The following ACADM variants were observed in gnomAD, a reference collection of about 807,000 sequenced individuals.
ACADM encodes medium-chain specific acyl-CoA dehydrogenase, mitochondrial.
A neutral mutation model predicts 58.9 loss-of-function variants in ACADM; 49 were observed. The ratio of observed to expected loss-of-function variants is 0.83; its 90% confidence interval spans 0.66 to 1.06. ACADM has a LOEUF of 1.06. Among genes scored for constraint, ACADM ranks in the 50% least tolerant of loss-of-function variants. The pLI is 0.00. For synonymous variants in ACADM, 160 were observed against 157.7 expected (o/e 1.01, Z -0.11); for missense variants, 496 against 507.0 (o/e 0.98, Z 0.21).
chr1:75,752,915 T>C (rs1648283898), intron 10 of ACADM, among the ~76,000 whole-genome samples: 1 of 152,280 alleles, frequency 6.6e-6, no homozygotes, highest in East Asian at 1.9e-4. Context: ...TTTTGGCACT[T>C]TTGTTAGGTA....
chr1:75,745,920 G>T lies in ACADM; in HGVS notation c.708+6G>T, dbSNP rs958629659. ...GAATTCAGATTGGGAGAAAGGTAAA[G>T]TATTTATTAATGATTAGGGCCCCAA... On this transcript the variant is annotated splice_donor_region_variant and intron_variant, in intron 8 of 11. Coordinates refer to ENST00000370841, the MANE Select transcript of ACADM (RefSeq NM_000016.6). The T allele has an allele frequency of 5.7e-6, 9 of 1,589,750 alleles. No homozygotes were observed. Among genetic ancestry groups the T allele is most frequent in the Non-Finnish European group, 6.9e-6 (8 of 1,158,134 alleles).
chr1:75,740,409 A>T (rs1647504536), intron 7 of ACADM, among the ~76,000 whole-genome samples: 1 of 152,134 alleles, frequency 6.6e-6, no homozygotes, highest in Non-Finnish European at 1.5e-5. Flanking sequence ...TCCACTCCTC[A>T]TCTCCTATAC....
intron 6 of ACADM, among the ~76,000 whole-genome samples, chr1:75,736,471 A>C (rs1054478159): frequency 2.6e-4 from 39 of 152,140 alleles, no homozygotes; most frequent in Non-Finnish European, 1.0e-4. Flanking sequence ...AACAATTGAG[A>C]GGTTAGCTAA....
chr1:75,736,901 A>G (rs1647284764), intron 6 of ACADM, among the ~76,000 whole-genome samples: 1 of 152,072 alleles, frequency 6.6e-6, no homozygotes, highest in Non-Finnish European at 1.5e-5. Context: ...GTTAGCCCCC[A>G]TTATATACAT....
In ACADM at chr1:75,751,360, A is replaced by T. The variant is rs557920195; in HGVS notation, c.945+814A>T. Among the ~76,000 whole-genome samples, 7 of 151,706 alleles carry T rather than the reference A, an allele frequency of 4.6e-5. No individual in the cohort carries two copies. The South Asian group carries it at 1.0e-3, about 23-fold the overall frequency. On this transcript the variant is annotated intron_variant, in intron 10 of 11. Coordinates refer to ENST00000370841, the MANE Select transcript of ACADM (RefSeq NM_000016.6). Reference sequence around the variant, plus strand: ...GTCTCAAAAAAGAAAATATATATATATTTTCTGATTCTCTCAGTAACCCTT... The same window carrying T: ...GTCTCAAAAAAGAAAATATATATATTTTTTCTGATTCTCTCAGTAACCCTT...
rs778535261 is a variant in ACADM, at chr1:75,740,093, C to T, written c.582C>T (p.Asn194=). 9.7e-5 allele frequency: 157 copies of T among 1,611,516 alleles called. 2 individuals carry two copies. Among genetic ancestry groups the T allele is most frequent in the South Asian group, 8.9e-4 (81 of 91,006 alleles). Residue 194 remains asparagine, a synonymous_variant, in exon 7 of 12, where the codon AAC becomes AAT. Transcript: ENST00000370841. ...ATGGTCAGAAGATGTGGATAACCAA[C>T]GGAGGAAAAGCTAATTGGTATGTTG... ...IINGQKMWIT[N]GGKANWYFLL... is the part of the protein sequence containing the mutation.
intron 5 of ACADM, 77 bp downstream of exon 5, chr1:75,733,705 T>TAAAA: frequency 7.9e-7 from 1 of 1,258,082 alleles, no homozygotes; most frequent in Admixed American, 1.8e-5. Context: ...GTTGGATTTT[T>TAAAA]AGAAGAAAAA....
At chr1:75,743,774 C>T (rs1647721865) in intron 7 of ACADM, 1 of 1,550,924 alleles carries the variant, frequency 6.4e-7, no homozygotes. Context: ...ATAGCTTCCA[C>T]ATTCCTGATG....
In ACADM at chr1:75,735,703, A is replaced by T. The variant is rs181622355; in HGVS notation, c.468+832A>T. Among the ~76,000 whole-genome samples, 985 of 152,154 alleles carry T rather than the reference A, an allele frequency of 6.5e-3. 14 individuals carry two copies. Among genetic ancestry groups the T allele is most frequent in the Admixed American group, 0.035 (528 of 15,276 alleles). ...CCCCATCTCTACTAAAAATACAAAA[A>T]TTAGCTGGATGTGGTGGCGCTTGCC... On this transcript the variant is annotated intron_variant, in intron 6 of 11. Coordinates refer to ENST00000370841, the MANE Select transcript of ACADM (RefSeq NM_000016.6).
intron 10 of ACADM, among the ~76,000 whole-genome samples, chr1:75,753,347 T>C (rs12070736): frequency 0.034 from 5,174 of 152,212 alleles, 290 homozygotes; most frequent in African/African-American, 0.12. Flanking sequence ...TTTTCCTCCA[T>C]GTTATCTCTT....
intron 8 of ACADM, 44 bp from the exon 9 acceptor site, chr1:75,749,375 T>C (rs1383137352): frequency 2.9e-5 from 47 of 1,607,160 alleles, no homozygotes; most frequent in Non-Finnish European, 3.9e-5. Flanking sequence ...AAATTGATGC[T>C]GGCTCAAAAA....
chr1:75,744,360 C>T (rs181480495), intron 7 of ACADM: 21 of 1,585,586 alleles, frequency 1.3e-5, no homozygotes, highest in East Asian at 4.5e-5. Flanking sequence ...GTGTGAAAAG[C>T]GGAGTGCCTC....
At chr1:75,735,463 G>A (rs376979957) in intron 6 of ACADM, among the ~76,000 whole-genome samples, 1 of 152,134 alleles carries the variant, frequency 6.6e-6, no homozygotes, top group Non-Finnish European at 1.5e-5. Context: ...ATTTAGTGGA[G>A]CATTCTACAC....
intron 2 of ACADM, among the ~76,000 whole-genome samples, chr1:75,731,443 C>T (rs1040901804): frequency 2.0e-5 from 3 of 151,976 alleles, no homozygotes; most frequent in Non-Finnish European, 4.4e-5. Flanking sequence ...GCTTGAAATA[C>T]CCTATTATCT....
At chr1:75,731,544 TC>T (rs1330704193) in intron 2 of ACADM, among the ~76,000 whole-genome samples, 1 of 152,272 alleles carries the variant, frequency 6.6e-6, no homozygotes, top group East Asian at 1.9e-4. Context: ...AGCAATTGAC[TC>T]CTCTCCTCAA....
At chr1:75,748,896 C>CAA (rs33982081) in intron 8 of ACADM, among the ~76,000 whole-genome samples, 56,754 of 151,900 alleles carry the variant, frequency 0.37, 11,611 homozygotes, top group African/African-American at 0.55. Context: ...CTAATTTTAA[C>CAA]AGAGTCAAAG....
intron 10 of ACADM, among the ~76,000 whole-genome samples, chr1:75,755,833 G>C (rs1352192526): frequency 6.6e-6 from 1 of 152,172 alleles, no homozygotes; most frequent in Non-Finnish European, 1.5e-5. Context: ...GAGGATACTG[G>C]CAAACTGAAT....
At position 75,727,878 on chromosome 1, in the gene ACADM, G is replaced by T. The variant is rs552416595; in HGVS notation, c.31-523G>T. Reference sequence around the variant, plus strand: ...TAGACAGCAGAAAATACAGAACATGGTTTTATGCTAATTTGTTTTGTTAGA... The same window carrying T: ...TAGACAGCAGAAAATACAGAACATGTTTTTATGCTAATTTGTTTTGTTAGA... On this transcript the variant is annotated intron_variant, in intron 1 of 11. Coordinates refer to ENST00000370841, the MANE Select transcript of ACADM (RefSeq NM_000016.6). Among the ~76,000 whole-genome samples, 14 of 152,180 alleles carry T rather than the reference G, an allele frequency of 9.2e-5. No homozygotes were observed. In the East Asian group the frequency reaches 2.3e-3, roughly 25 times the overall value.
chr1:75,748,166 AAT>A (rs1158160674), intron 8 of ACADM, among the ~76,000 whole-genome samples: 1 of 152,208 alleles, frequency 6.6e-6, no homozygotes, highest in African/African-American at 2.4e-5. Flanking sequence ...GCATAACACT[AAT>A]AGTCATATAC....
Sources: allele counts gnomAD v4.1 joint callset (sites outside exome capture counted in the v4.1 genomes callset), GRCh38; gene constraint gnomAD v4.1.1; transcripts MANE v1.5; gene names NCBI Gene and HGNC (gene_info 2026-07-23, HGNC 2026-07-21).